LRP1B: variants seen among roughly 807,000 people sequenced by gnomAD.
LRP1B encodes the protein LDL receptor related protein 1B.
LRP1B carries 217 observed loss-of-function variants against 556.6 expected under a neutral mutation model. The observed-to-expected ratio is 0.39, with a 90% CI of 0.35 to 0.44. LRP1B has a LOEUF of 0.44. LRP1B is among the 20% of genes least tolerant of loss of function. The probability of loss-of-function intolerance (pLI) is 1.00; values close to 1 mark genes in which losing one functional copy is unlikely to be tolerated. For synonymous variants in LRP1B, 2,047 were observed against 1,865.8 expected (o/e 1.10, Z -2.50); for missense variants, 5,053 against 5,620.8 (o/e 0.90, Z 3.23).
At chr2:141,642,995 T>A (rs909380474) in intron 2 of LRP1B, among the ~76,000 whole-genome samples, 1 of 151,950 alleles carries the variant, frequency 6.6e-6, no homozygotes, top group Non-Finnish European at 1.5e-5. Context: ...AAGACAAACT[T>A]AAGGGTCATG....
At chr2:141,001,809 T>G (rs1488376878) in intron 15 of LRP1B, among the ~76,000 whole-genome samples, 1 of 152,144 alleles carries the variant, frequency 6.6e-6, no homozygotes, top group Non-Finnish European at 1.5e-5. Flanking sequence ...TGCATGTGCA[T>G]GTACTTTTCA....
At chr2:142,047,018 T>A (rs1270524700) in intron 1 of LRP1B, among the ~76,000 whole-genome samples, 3 of 152,044 alleles carry the variant, frequency 2.0e-5, no homozygotes, top group African/African-American at 7.2e-5. Flanking sequence ...CAAAACCAAG[T>A]GTTTTACACT....
intron 37 of LRP1B, among the ~76,000 whole-genome samples, chr2:140,703,410 C>T (rs567536408): frequency 3.3e-5 from 5 of 151,984 alleles, no homozygotes; most frequent in Admixed American, 1.3e-4. Context: ...TCAAAAAATT[C>T]GATATTCATA....
chr2:141,947,482 G>A (rs1700986735), intron 1 of LRP1B, among the ~76,000 whole-genome samples: 1 of 151,914 alleles, frequency 6.6e-6, no homozygotes, highest in East Asian at 1.9e-4. Flanking sequence ...AAAGGTGAAT[G>A]AACTGTGCCC....
chr2:140,643,845 G>C (rs1385570899), intron 41 of LRP1B, among the ~76,000 whole-genome samples: 1 of 152,010 alleles, frequency 6.6e-6, no homozygotes, highest in African/African-American at 2.4e-5. Context: ...CTCCAATCTA[G>C]TAACCTTGAG....
At chr2:140,614,444 A>G (rs1378667140) in intron 41 of LRP1B, among the ~76,000 whole-genome samples, 1 of 152,134 alleles carries the variant, frequency 6.6e-6, no homozygotes, top group East Asian at 1.9e-4. Flanking sequence ...TTATGGTTGA[A>G]TAATCAAGTC....
intron 80 of LRP1B, among the ~76,000 whole-genome samples, chr2:140,325,202 T>C (rs562602645): frequency 5.9e-5 from 9 of 151,912 alleles, no homozygotes; most frequent in Non-Finnish European, 7.4e-5. Flanking sequence ...GAGCTGGAAA[T>C]ATGAGACAGT....
intron 16 of LRP1B, 78 bp from the exon 17 acceptor site, chr2:140,989,735 A>G (rs1158615658): frequency 1.4e-6 from 2 of 1,395,574 alleles, no homozygotes; most frequent in Non-Finnish European, 2.0e-6. Flanking sequence ...AGTTACAGAA[A>G]AGTTACAGTA....
At chr2:141,494,191 C>T (rs1683434784) in intron 2 of LRP1B, among the ~76,000 whole-genome samples, 2 of 152,164 alleles carry the variant, frequency 1.3e-5, no homozygotes, top group South Asian at 4.1e-4. Flanking sequence ...GTCAACATCA[C>T]AGGTCCAAAT....
intron 35 of LRP1B, among the ~76,000 whole-genome samples, chr2:140,730,099 C>G (rs1196200783): frequency 6.6e-6 from 1 of 152,182 alleles, no homozygotes; most frequent in African/African-American, 2.4e-5. Flanking sequence ...TGTGTTTTAA[C>G]TCTTTTATTT....
chr2:141,904,985 A>G (rs1362780238), intron 1 of LRP1B, among the ~76,000 whole-genome samples: 1 of 151,948 alleles, frequency 6.6e-6, no homozygotes, highest in Non-Finnish European at 1.5e-5. Flanking sequence ...GACTGAATTA[A>G]GGAGACAATG....
At chr2:141,664,688 G>A (rs1173032775) in intron 2 of LRP1B, among the ~76,000 whole-genome samples, 1 of 151,736 alleles carries the variant, frequency 6.6e-6, no homozygotes, top group Non-Finnish European at 1.5e-5. Context: ...ACAAACCAGT[G>A]CTCAAGGAAA....
intron 4 of LRP1B, among the ~76,000 whole-genome samples, chr2:141,247,812 A>G (rs932710387): frequency 4.6e-5 from 7 of 152,210 alleles, no homozygotes; most frequent in African/African-American, 1.4e-4. Flanking sequence ...GAAACTATTA[A>G]GCACACCTAT....
At chr2:140,695,920 G>A (rs958531304) in intron 41 of LRP1B, among the ~76,000 whole-genome samples, 1 of 152,122 alleles carries the variant, frequency 6.6e-6, no homozygotes, top group African/African-American at 2.4e-5. Flanking sequence ...TTCATTCTAT[G>A]TGAATTGGGA....
intron 2 of LRP1B, among the ~76,000 whole-genome samples, chr2:141,701,495 C>T (rs1691937033): frequency 6.6e-6 from 1 of 151,702 alleles, no homozygotes; most frequent in Admixed American, 6.6e-5. Flanking sequence ...CTTGACTCAG[C>T]ATATCTGGGT....
At chr2:140,769,373 G>A (rs777145796) in intron 34 of LRP1B, 29 bp from the exon 35 acceptor site, 4 of 1,566,492 alleles carry the variant, frequency 2.6e-6, no homozygotes, top group Admixed American at 3.8e-5. Context: ...ATAAGGGGGG[G>A]AAGGGAAGCC....
At chr2:140,252,590 A>G (rs1681489075) in intron 86 of LRP1B, among the ~76,000 whole-genome samples, 1 of 152,098 alleles carries the variant, frequency 6.6e-6, no homozygotes, top group South Asian at 2.1e-4. Flanking sequence ...GTAGGAAGAA[A>G]TGCTTTTCCT....
At chr2:141,839,077 T>C (rs1213865618) in intron 1 of LRP1B, among the ~76,000 whole-genome samples, 1 of 152,208 alleles carries the variant, frequency 6.6e-6, no homozygotes, top group Non-Finnish European at 1.5e-5. Context: ...TATATTATAC[T>C]TTAACAAAGA....
At chr2:141,705,410 A>G (rs533670940) in intron 2 of LRP1B, among the ~76,000 whole-genome samples, 1 of 152,098 alleles carries the variant, frequency 6.6e-6, no homozygotes, top group African/African-American at 2.4e-5. Context: ...CAGCTTCAGC[A>G]ATAAATGTTC....
Sources: allele counts gnomAD v4.1 joint callset (sites outside exome capture counted in the v4.1 genomes callset), GRCh38; gene constraint gnomAD v4.1.1; transcripts MANE v1.5; gene names NCBI Gene and HGNC (gene_info 2026-07-23, HGNC 2026-07-21).